Variants in BCKDHB observed in about 807,000 individuals in gnomAD.
BCKDHB encodes 2-oxoisovalerate dehydrogenase subunit beta, mitochondrial.
In BCKDHB, 41 loss-of-function variants were observed where a neutral mutation model predicts 48.5. That is an observed-to-expected ratio of 0.85 (90% CI 0.66 to 1.10). BCKDHB has a LOEUF of 1.10. BCKDHB is among the 50% of genes least tolerant of loss of function. BCKDHB has a pLI of 0.00. For synonymous variants in BCKDHB, 201 were observed against 174.8 expected, an observed-to-expected ratio of 1.15 and a Z score of -1.18; for missense variants, 496 against 494.2, an observed-to-expected ratio of 1.00 and a Z score of -0.03.
At chr6:80,359,782 A>G in the BCKDHB span, among the ~76,000 whole-genome samples, 1 of 151,926 alleles carries the variant, frequency 6.6e-6, no homozygotes, top group South Asian at 2.1e-4. Context: ...TTTAGTAGAG[A>G]GGGTTTCACC....
intron 1 of BCKDHB, among the ~76,000 whole-genome samples, chr6:80,109,977 T>A (rs1165395333): frequency 6.6e-6 from 1 of 152,234 alleles, no homozygotes; most frequent in Non-Finnish European, 1.5e-5. Context: ...AGATTTTGTC[T>A]GTTAAAAAAT....
chr6:80,141,848 A>C (rs1376180557), intron 3 of BCKDHB, among the ~76,000 whole-genome samples: 1 of 152,128 alleles, frequency 6.6e-6, no homozygotes, highest in Non-Finnish European at 1.5e-5. Flanking sequence ...TCCTCAAGCC[A>C]CACATCCACG....
At chr6:80,169,644 T>C (rs1022953151) in intron 5 of BCKDHB, among the ~76,000 whole-genome samples, 1 of 152,198 alleles carries the variant, frequency 6.6e-6, no homozygotes, top group Non-Finnish European at 1.5e-5. Context: ...TAATTTTTTG[T>C]ATTATCTTTT....
intron 9 of BCKDHB, among the ~76,000 whole-genome samples, chr6:80,335,443 GTCAGTGCTT>G (rs1028650321): frequency 6.6e-6 from 1 of 151,908 alleles, no homozygotes; most frequent in African/African-American, 2.4e-5. Context: ...AAACGTTGCC[GTCAGTGCTT>G]TCTTCTATAG....
intron 6 of BCKDHB, among the ~76,000 whole-genome samples, chr6:80,172,443 T>C (rs76714304): frequency 0.019 from 2,942 of 152,174 alleles, 92 homozygotes; most frequent in African/African-American, 0.067. Flanking sequence ...CATTGTTCAT[T>C]GATAGTATTA....
chr6:80,337,264 T>G (rs544269410), intron 9 of BCKDHB, among the ~76,000 whole-genome samples: 1 of 152,278 alleles, frequency 6.6e-6, no homozygotes, highest in Admixed American at 6.5e-5. Context: ...ATGTCTAGCC[T>G]TACATAACTA....
intron 8 of BCKDHB, among the ~76,000 whole-genome samples, chr6:80,219,202 C>CTT (rs1217718536): frequency 2.1e-5 from 3 of 143,660 alleles, no homozygotes; most frequent in Non-Finnish European, 3.1e-5. Flanking sequence ...GGAATTTACT[C>CTT]TTTTTTTTTT....
At chr6:80,260,380 C>CT (rs1466262335) in intron 8 of BCKDHB, among the ~76,000 whole-genome samples, 2 of 152,128 alleles carry the variant, frequency 1.3e-5, no homozygotes, top group African/African-American at 4.8e-5. Flanking sequence ...CTATGAGGGA[C>CT]TACAAATTAT....
At chr6:80,317,215 C>T (rs1768492877) in intron 9 of BCKDHB, among the ~76,000 whole-genome samples, 1 of 152,100 alleles carries the variant, frequency 6.6e-6, no homozygotes, top group Non-Finnish European at 1.5e-5. Context: ...TGCCAAAATA[C>T]CCAAATACCG....
At chr6:80,438,061 G>A in the BCKDHB span, among the ~76,000 whole-genome samples, 3 of 152,134 alleles carry the variant, frequency 2.0e-5, no homozygotes, top group East Asian at 1.9e-4. Flanking sequence ...TTATATCTGG[G>A]TCAACATCTG....
At chr6:80,253,476 C>A (rs1260426329) in intron 8 of BCKDHB, among the ~76,000 whole-genome samples, 1 of 152,102 alleles carries the variant, frequency 6.6e-6, no homozygotes, top group African/African-American at 2.4e-5. Flanking sequence ...ATTTATAATT[C>A]TTGGGCTATG....
At chr6:80,274,032 C>T (rs930278097) in intron 9 of BCKDHB, among the ~76,000 whole-genome samples, 6 of 151,914 alleles carry the variant, frequency 3.9e-5, no homozygotes, top group Non-Finnish European at 7.4e-5. Context: ...TGTGAAGATG[C>T]TTTAATTGTT....
intron 9 of BCKDHB, among the ~76,000 whole-genome samples, chr6:80,286,374 A>G (rs921713515): frequency 3.3e-5 from 5 of 152,180 alleles, no homozygotes; most frequent in African/African-American, 1.2e-4. Flanking sequence ...ATTCATTTGT[A>G]TGACTTTTCT....
At chr6:80,163,590 TTCTC>T (rs1048734454) in intron 3 of BCKDHB, among the ~76,000 whole-genome samples, 2 of 152,192 alleles carry the variant, frequency 1.3e-5, no homozygotes, top group African/African-American at 4.8e-5. Flanking sequence ...ATCTCTTCTT[TTCTC>T]TCTATTTAAA....
intron 8 of BCKDHB, among the ~76,000 whole-genome samples, chr6:80,272,752 A>T (rs1777801199): frequency 6.6e-6 from 1 of 152,188 alleles, no homozygotes; most frequent in Admixed American, 6.6e-5. Context: ...ATTTATGTGC[A>T]AACAAATGAA....
At chr6:80,264,014 AT>A (rs1050632977) in intron 8 of BCKDHB, among the ~76,000 whole-genome samples, 2 of 152,076 alleles carry the variant, frequency 1.3e-5, no homozygotes, top group South Asian at 2.1e-4. Context: ...TCATTTTTCA[AT>A]TTTTTTTAGA....
intron 9 of BCKDHB, among the ~76,000 whole-genome samples, chr6:80,340,397 T>G (rs761062873): frequency 2.6e-5 from 4 of 152,152 alleles, no homozygotes; most frequent in Non-Finnish European, 5.9e-5. Flanking sequence ...ATAATCTGCT[T>G]TGGAGCCTCA....
chr6:80,151,965 A>G (rs897936102), intron 3 of BCKDHB, among the ~76,000 whole-genome samples: 6 of 152,166 alleles, frequency 3.9e-5, no homozygotes, highest in Non-Finnish European at 7.3e-5. Context: ...GGGTACAGAT[A>G]TGTTTTAGGA....
chr6:80,392,085 C>T, the BCKDHB span, among the ~76,000 whole-genome samples: 1 of 152,012 alleles, frequency 6.6e-6, no homozygotes, highest in Non-Finnish European at 1.5e-5. Flanking sequence ...CTCCACCTCC[C>T]AGGTTCAAGC....
Sources: gnomAD v4.1 joint callset for allele counts (sites outside exome capture counted in the v4.1 genomes callset) on GRCh38, gnomAD v4.1.1 for gene constraint, MANE v1.5 for transcripts, NCBI Gene and HGNC (gene_info 2026-07-23, HGNC 2026-07-21) for gene names.